The following TAF2 variants were observed in gnomAD, a reference collection of about 807,000 sequenced individuals.
TAF2 encodes transcription initiation factor TFIID subunit 2.
A neutral mutation model predicts 138.5 loss-of-function variants in TAF2; 61 were observed. That is an observed-to-expected ratio of 0.44 (90% CI 0.36 to 0.54). TAF2 has a LOEUF of 0.54. TAF2 is among the 20% of genes least tolerant of loss of function. The pLI is 0.00. For missense variants in TAF2, 1,090 were observed against 1,427.9 expected, an observed-to-expected ratio of 0.76 and a Z score of 3.81; for synonymous variants, 475 against 469.9, an observed-to-expected ratio of 1.01 and a Z score of -0.14.
At chr8:119,744,677 T>C (rs1819832696) in intron 23 of TAF2, 2 of 451,960 alleles carry the variant, frequency 4.4e-6, no homozygotes, top group Non-Finnish European at 8.1e-6. Flanking sequence ...CGTGCACACA[T>C]AGTTCCTCCC....
At position 119,783,332 on chromosome 8, in the gene TAF2, C is replaced by CA. The variant is rs746672043; in HGVS notation, c.2112+48dup. 52 of 1,577,636 alleles carry CA rather than the reference C, an allele frequency of 3.3e-5. No homozygotes were observed. In the South Asian group the frequency reaches 5.2e-4, roughly 16 times the overall value. On this transcript the variant is annotated intron_variant, in intron 16 of 25. Coordinates refer to ENST00000378164, the MANE Select transcript of TAF2 (RefSeq NM_003184.4). The stretch of plus-strand genomic sequence containing the variant: ...GAATTTTAATTCATTTTCAGAGATA[C>CA]AAAAAATATATACAATAGTCATTTC...
At position 119,742,629 on chromosome 8, in the gene TAF2, G is replaced by A; in HGVS notation, c.3242C>T (p.Ser1081Phe). 4 of 1,613,812 alleles carry A rather than the reference G, an allele frequency of 2.5e-6. No individual in the cohort carries two copies. The highest frequency in any genetic ancestry group is 3.4e-6 in the Non-Finnish European group (4 of 1,179,954). The change falls in exon 25 of 26, where the codon TCC (serine) becomes TTC (phenylalanine). Residue 1081 changes from serine to phenylalanine, a missense_variant. Physicochemically the swap from Ser to Phe is radical, Grantham distance 155. Around this residue, in one of 3 missense-constraint regions of TAF2, gnomAD observed 580 missense variants for 719.6 expected, o/e 0.81. Transcript: ENST00000378164. ...GTGCTGGGGTATTAAAGCAGATCGG[G>A]AGCTAGCTGGCCGATATTTCGAGAG... ...PGLSKYRPAS[S>F]RSALIPQHSA...
chr8:119,785,133 G>T, intron 15 of TAF2, 68 bp downstream of exon 15: 3 of 1,256,330 alleles, frequency 2.4e-6, no homozygotes, highest in Non-Finnish European at 3.5e-6. Flanking sequence ...TTTTACGTAC[G>T]CATAACAAAG....
At chr8:119,746,508 G>A (rs878856550) in intron 23 of TAF2, among the ~76,000 whole-genome samples, 197 bp downstream of exon 23, 3 of 151,774 alleles carry the variant, frequency 2.0e-5, no homozygotes, top group South Asian at 2.1e-4. Context: ...CACATCATTC[G>A]TTATGTGCAG....
rs1253039395 is a variant in TAF2, at chr8:119,781,114, C to T, written c.2192G>A (p.Ser731Asn). 6.2e-7 allele frequency: 1 copy of T among 1,614,002 alleles called. No homozygotes were observed. Among genetic ancestry groups the T allele is most frequent in the Admixed American group, 1.7e-5 (1 of 60,008 alleles). Reference sequence around the variant, plus strand: ...GTTTGTTTTCACAATGTTTGGACAACTTTTACAACAAAACATCCTAGTGAA... The same window carrying T: ...GTTTGTTTTCACAATGTTTGGACAATTTTTACAACAAAACATCCTAGTGAA... ...SLFTRMFCCK[S>N]CPNIVKTNNF... The change falls in exon 17 of 26, where the codon AGT becomes AAT. Residue 731 changes from serine to asparagine, a missense_variant. This residue lies in a region of TAF2 where 580 missense variants were observed against 719.6 expected (regional missense o/e 0.81). Transcript: ENST00000378164.
At chr8:119,747,690 T>C (rs1820074298) in intron 22 of TAF2, among the ~76,000 whole-genome samples, 1 of 152,178 alleles carries the variant, frequency 6.6e-6, no homozygotes, top group African/African-American at 2.4e-5. Flanking sequence ...GTAGATATTG[T>C]CATCAAATAG....
chr8:119,758,078 A>G lies in TAF2; in HGVS notation c.2763T>C (p.Tyr921=), dbSNP rs750141290. 9.9e-6 allele frequency: 16 copies of G among 1,612,974 alleles called. No individual in the cohort carries two copies. The highest frequency in any genetic ancestry group is 1.4e-5 in the Non-Finnish European group (16 of 1,179,368). ...LNMIQNDPVP[Y]VRHKILNMLT... The stretch of plus-strand genomic sequence containing the variant: ...ATCATAGCACATAAACTAACCTTAC[A>G]TAGGGTACAGGGTCATTCTGAATCA... Residue 921 remains tyrosine (Y), a synonymous_variant, in exon 21 of 26, where the codon TAT becomes TAC. Coordinates refer to ENST00000378164, the MANE Select transcript of TAF2 (RefSeq NM_003184.4).
In TAF2 at chr8:119,791,314, T is replaced by A. The variant is rs759738341; in HGVS notation, c.1413+10A>T. The A allele has an allele frequency of 1.2e-6, 2 of 1,612,824 alleles. No individual in the cohort carries two copies. Among genetic ancestry groups the A allele is most frequent in the South Asian group, 2.2e-5 (2 of 91,036 alleles). On this transcript the variant is annotated intron_variant, in intron 11 of 25. Transcript: ENST00000378164. ...TTTACCATTGTTAAGTTCTTAACTT[T>A]AATACTTACTTGTAGCATAAATTCC...
At chr8:119,752,692 T>C (rs1389058998) in intron 22 of TAF2, among the ~76,000 whole-genome samples, 1 of 152,220 alleles carries the variant, frequency 6.6e-6, no homozygotes, top group Non-Finnish European at 1.5e-5. Flanking sequence ...AAAAGTTTGA[T>C]TCTTCAGAAT....
intron 2 of TAF2, among the ~76,000 whole-genome samples, chr8:119,822,772 C>T (rs1049703199): frequency 6.6e-6 from 1 of 152,134 alleles, no homozygotes; most frequent in African/African-American, 2.4e-5. Flanking sequence ...TACTTCTCTC[C>T]CAGTCCTCCT....
chr8:119,790,255 G>A (rs1823324181), intron 11 of TAF2, among the ~76,000 whole-genome samples: 1 of 152,122 alleles, frequency 6.6e-6, no homozygotes, highest in East Asian at 1.9e-4. Flanking sequence ...GGGCAACATA[G>A]TGAAACCCCA....
intron 5 of TAF2, among the ~76,000 whole-genome samples, chr8:119,803,408 G>T (rs908123226): frequency 3.9e-5 from 6 of 152,050 alleles, no homozygotes; most frequent in African/African-American, 1.4e-4. Flanking sequence ...GATTGAGGAG[G>T]GGTCGGGCAT....
At chr8:119,783,260 C>A (rs1382447200) in intron 16 of TAF2, 121 bp downstream of exon 16, 2 of 1,256,136 alleles carry the variant, frequency 1.6e-6, no homozygotes, top group Non-Finnish European at 2.2e-6. Flanking sequence ...AGCACTTTGG[C>A]AAAAGCTTTC....
At chr8:119,795,800 C>A (rs1823784122) in intron 8 of TAF2, among the ~76,000 whole-genome samples, 169 bp from the exon 9 acceptor site, 2 of 152,062 alleles carry the variant, frequency 1.3e-5, no homozygotes, top group African/African-American at 4.8e-5. Flanking sequence ...TCTACTTGCC[C>A]ATTTATTATA....
intron 2 of TAF2, among the ~76,000 whole-genome samples, chr8:119,830,287 G>A (rs998953211): frequency 6.6e-6 from 1 of 151,994 alleles, no homozygotes; most frequent in Non-Finnish European, 1.5e-5. Flanking sequence ...TAATTATGAA[G>A]ATTAAGTGAG....
At chr8:119,789,552 T>C (rs1386507475) in intron 12 of TAF2, 40 bp downstream of exon 12, 1 of 1,609,930 alleles carries the variant, frequency 6.2e-7, no homozygotes, top group South Asian at 1.1e-5. Context: ...CATACCTTAT[T>C]CCCTTCCCCA....
intron 1 of TAF2, 151 bp from the exon 2 acceptor site, chr8:119,831,882 C>T (rs1826471063): frequency 3.8e-6 from 2 of 525,012 alleles, no homozygotes; most frequent in Non-Finnish European, 6.1e-6. Flanking sequence ...GAATTGGGGC[C>T]TGGTGCGGTG....
At chr8:119,783,791 T>C (rs915139208) in intron 15 of TAF2, among the ~76,000 whole-genome samples, 158 bp from the exon 16 acceptor site, 3 of 152,224 alleles carry the variant, frequency 2.0e-5, no homozygotes, top group African/African-American at 7.2e-5. Context: ...TAAACTGCAC[T>C]GACAAATTTC....
At chr8:119,811,824 A>T (rs1050290540) in intron 3 of TAF2, among the ~76,000 whole-genome samples, 2 of 151,652 alleles carry the variant, frequency 1.3e-5, no homozygotes, top group East Asian at 3.9e-4. Context: ...AAAAAAAAAA[A>T]AAAATAACCA....
Sources: gnomAD v4.1 joint callset for allele counts (sites outside exome capture counted in the v4.1 genomes callset) on GRCh38, gnomAD v4.1.1 for gene constraint, gnomAD v4.1.1 regional missense constraint, MANE v1.5 for transcripts, NCBI Gene and HGNC (gene_info 2026-07-23, HGNC 2026-07-21) for gene names.